CCNI2: variants seen among roughly 807,000 people sequenced by gnomAD.
CCNI2 encodes the protein cyclin-I2.
In CCNI2, 32 loss-of-function variants were observed where a neutral mutation model predicts 33.2. That is an observed-to-expected ratio of 0.96 (90% CI 0.73 to 1.30). CCNI2 has a LOEUF of 1.30. Ranked by LOEUF, CCNI2 falls within the 50% of genes most tolerant of loss-of-function variation. The probability of loss-of-function intolerance (pLI) is 0.00; values close to 1 mark genes in which losing one functional copy is unlikely to be tolerated. For synonymous variants in CCNI2, 231 were observed against 219.9 expected (o/e 1.05, Z -0.45); for missense variants, 452 against 486.2 (o/e 0.93, Z 0.66).
In CCNI2 at chr5:132,752,182, C is replaced by T. The variant is rs1226947663; in HGVS notation, c.991C>T (p.Leu331=). ...CTGGTGTGCTCCTATATCTGATCTG[C>T]TAAAGAAAGCACAGGTAGACATCAA... ...PGWCAPISDL[L]KKAQVGDMQY... is the part of the protein sequence containing the mutation. Residue 331 remains leucine, a synonymous_variant, in exon 5 of 6, where the codon CTA becomes TTA. Transcript: ENST00000378731. The T allele has an allele frequency of 6.3e-7, 1 of 1,577,968 alleles. No individual in the cohort carries two copies. Among genetic ancestry groups the T allele is most frequent in the South Asian group, 1.2e-5 (1 of 86,168 alleles).
rs572925764 is a variant in CCNI2, at chr5:132,749,577, G to A, written c.633+155G>A. ...CGGCATCTCTGCTATCCCTTCCATC[G>A]GCTTGTCAGGCTTTGAGACCCCACA... On this transcript the variant is annotated intron_variant, in intron 3 of 5. Transcript: ENST00000378731. Among the ~76,000 whole-genome samples, 214 of 151,984 alleles carry A rather than the reference G, an allele frequency of 1.4e-3. 1 individual carries two copies. The highest frequency in any genetic ancestry group is 2.1e-3 in the Non-Finnish European group (143 of 68,016).
chr5:132,751,990 T>C lies in CCNI2; in HGVS notation c.799T>C (p.Trp267Arg), dbSNP rs767320935. The C allele has an allele frequency of 2.0e-5, 32 of 1,611,892 alleles. No individual in the cohort carries two copies. The highest frequency in any genetic ancestry group is 2.7e-5 in the Non-Finnish European group (32 of 1,179,296). Residue 267 changes from tryptophan to arginine, a missense_variant, in exon 5 of 6, where the codon TGG becomes CGG. By Grantham distance (101) the Trp-to-Arg change is moderately radical (BLOSUM62 -3). Transcript: ENST00000378731. ...TIFHALVVLS[W>R]PHVLELLPQR... ...GTTCCATGCCCTGGTGGTCCTGAGC[T>C]GGCCCCATGTGTTGGAGCTGCTGCC...
Position 132,752,857 on chromosome 5 carries a change from C to G in CCNI2, c.1006-9C>G, listed in dbSNP as rs759581267. 9 of 1,611,258 alleles carry G rather than the reference C, an allele frequency of 5.6e-6. No homozygotes were observed. Among genetic ancestry groups the G allele is most frequent in the Non-Finnish European group, 7.6e-6 (9 of 1,177,598 alleles). On this transcript the variant is annotated splice_polypyrimidine_tract_variant and intron_variant, in intron 5 of 5. Coordinates refer to ENST00000378731, the MANE Select transcript of CCNI2 (RefSeq NM_001039780.4). Reference sequence around the variant, plus strand: ...TCTGCTTGAAGATGGCCACTCTATTCTAATACAGGTTGGTGATATGCAGTA... The same window carrying G: ...TCTGCTTGAAGATGGCCACTCTATTGTAATACAGGTTGGTGATATGCAGTA...
Position 132,747,590 on chromosome 5 carries a change from A to G in CCNI2, c.95A>G (p.Glu32Gly), listed in dbSNP as rs1754644587. 1.3e-6 allele frequency: 2 copies of G among 1,498,298 alleles called. No homozygotes were observed. The highest frequency in any genetic ancestry group is 1.8e-6 in the Non-Finnish European group (2 of 1,129,994). The allele number at this position is 1,498,298 out of a possible 1,614,324, so 92.8% of individuals were successfully genotyped here. ...GGGCGTCCCGGCGCCGGTCTGGAGG[A>G]AACAGCCCTGGGCGTTCCTCTCCCG... Reference protein sequence around the residue: ...PGGRPGAGLEETALGVPLPPS... With the variant: ...PGGRPGAGLEGTALGVPLPPS... Residue 32 changes from glutamate (E) to glycine (G), a missense_variant, in exon 1 of 6, where the codon GAA becomes GGA. Glu to Gly is a moderately conservative substitution (Grantham distance 98). Transcript: ENST00000378731. This position sits in a 1 kb window ranked among gnomAD's most constrained non-coding sequence, Gnocchi z 4.1.
At chr5:132,752,801 C>G in intron 5 of CCNI2, 65 bp from the exon 6 acceptor site, 2 of 1,420,816 alleles carry the variant, frequency 1.4e-6, no homozygotes, top group Non-Finnish European at 2.0e-6. Flanking sequence ...TTTTGGCACT[C>G]AATTGCCAAT....
At chr5:132,754,724 A>G (rs570529386), downstream of CCNI2, among the ~76,000 whole-genome samples, 89 of 152,338 alleles carry the variant, frequency 5.8e-4, no homozygotes, top group African/African-American at 2.0e-3. Flanking sequence ...CTTCCCTCTA[A>G]TATTCTTTTC....
rs1239445203 is a variant in CCNI2 at position 132,752,872 on chromosome 5, G to GAT, written c.1015_1016dup (p.Met339IlefsTer11). 1 of 1,613,358 alleles carries GAT rather than the reference G, an allele frequency of 6.2e-7. No individual in the cohort carries two copies. Among genetic ancestry groups the GAT allele is most frequent in the Non-Finnish European group, 8.5e-7 (1 of 1,179,476 alleles). On this transcript the variant is annotated frameshift_variant, in exon 6 of 6. Coordinates refer to ENST00000378731, the MANE Select transcript of CCNI2 (RefSeq NM_001039780.4). LOFTEE classifies it high-confidence loss of function. Reference sequence around the variant, plus strand: ...CCACTCTATTCTAATACAGGTTGGTGATATGCAGTACAGCTGCTGCAAGGA... The same window carrying GAT: ...CCACTCTATTCTAATACAGGTTGGTGATATATGCAGTACAGCTGCTGCAAGGA...
intron 2 of CCNI2, 22 bp downstream of exon 2, chr5:132,748,497 G>A (rs754823405): frequency 6.2e-7 from 1 of 1,612,624 alleles, no homozygotes; most frequent in Non-Finnish European, 8.5e-7. Flanking sequence ...TCTGAGGGAC[G>A]GTGGCAGATG....
At position 132,748,373 on chromosome 5, in the gene CCNI2, AGTC is replaced by A. The variant is rs1457159453; in HGVS notation, c.459_461del (p.Val154del). The A allele has an allele frequency of 6.2e-7, 1 of 1,614,014 alleles. No homozygotes were observed. The highest frequency in any genetic ancestry group is 8.5e-7 in the Non-Finnish European group (1 of 1,179,996). ...ATGAAATCTGCGACGCCTTCGAGGA[AGTC>A]GTGCTGTGGCTCCTGCGGCTTCAGA... is the stretch of plus-strand genomic sequence containing the variant. On this transcript the variant is annotated inframe_deletion, in exon 2 of 6. Coordinates refer to ENST00000378731, the MANE Select transcript of CCNI2 (RefSeq NM_001039780.4).
At chr5:132,752,483 G>A in intron 5 of CCNI2, among the ~76,000 whole-genome samples, 1 of 152,150 alleles carries the variant, frequency 6.6e-6, no homozygotes, top group Non-Finnish European at 1.5e-5. Context: ...TGGGGAGTCA[G>A]GGGTATGTCT....
downstream of CCNI2, among the ~76,000 whole-genome samples, chr5:132,754,775 G>A (rs1267042731): frequency 6.6e-6 from 1 of 152,060 alleles, no homozygotes; most frequent in Non-Finnish European, 1.5e-5. Context: ...TCAGAGATTG[G>A]GAAACATTTC....
At chr5:132,751,820 C>A in intron 4 of CCNI2, 146 bp from the exon 5 acceptor site, 2 of 968,570 alleles carry the variant, frequency 2.1e-6, no homozygotes, top group Non-Finnish European at 3.0e-6. Flanking sequence ...AGCCTCAAGC[C>A]CCTTACGGAG....
In CCNI2 at chr5:132,747,912, C is replaced by A. The variant is rs553492149; in HGVS notation, c.417C>A (p.Gly139=). Residue 139 remains glycine, a synonymous_variant, in exon 1 of 6, where the codon GGC becomes GGA. Coordinates refer to ENST00000378731, the MANE Select transcript of CCNI2 (RefSeq NM_001039780.4). The surrounding 1 kb of genome is among the most constrained non-coding windows in gnomAD (Gnocchi z 4.1). ...ACCGCGAGGCGCGCCTGTGGCGGGG[C>A]GGCAAACCCCAGGTACCCGTCGCTG... is the stretch of plus-strand genomic sequence containing the variant. ...AQDREARLWR[G]GKPQDEICDA... The A allele has an allele frequency of 5.5e-5, 76 of 1,383,024 alleles. No individual in the cohort carries two copies. In the African/African-American group the frequency reaches 1.0e-3, roughly 19 times the overall value. 85.7% of individuals were successfully genotyped at this position (1,383,024 alleles called of 1,614,324 possible). A position where few individuals can be genotyped will look rare whatever the true frequency, so the allele number is the denominator to read the frequency against.
intron 5 of CCNI2, among the ~76,000 whole-genome samples, chr5:132,752,427 G>C (rs1253116836): frequency 1.3e-5 from 2 of 152,220 alleles, no homozygotes; most frequent in African/African-American, 4.8e-5. Flanking sequence ...CTCTGAGAGT[G>C]AGAGAATCTT....
At chr5:132,751,554 A>AT (rs753990750) in intron 4 of CCNI2, 1 of 229,286 alleles carries the variant, frequency 4.4e-6, no homozygotes, top group Non-Finnish European at 8.5e-6. Flanking sequence ...GTTATGAAGC[A>AT]TGAAGATTAA....
Position 132,751,012 on chromosome 5 carries a change from G to A in CCNI2, c.774+15G>A, listed in dbSNP as rs188881056. 49 of 1,610,668 alleles carry A rather than the reference G, an allele frequency of 3.0e-5. No individual in the cohort carries two copies. Among genetic ancestry groups the A allele is most frequent in the Non-Finnish European group, 4.1e-5 (48 of 1,179,130 alleles). ...TCTTGACTATAGTGAGTAAGGAGGT[G>A]TTTACAGAGTCTACCCTAAACTCGT... is the stretch of plus-strand genomic sequence containing the variant. On this transcript the variant is annotated intron_variant, in intron 4 of 5. Coordinates refer to ENST00000378731, the MANE Select transcript of CCNI2 (RefSeq NM_001039780.4).
chr5:132,750,894 G>C lies in CCNI2; in HGVS notation c.671G>C (p.Gly224Ala). Residue 224 changes from glycine (G) to alanine (A), a missense_variant, in exon 4 of 6, where the codon GGC (glycine) becomes GCC (alanine). Physicochemically the swap from Gly to Ala is moderately conservative, Grantham distance 60 (BLOSUM62 0). Transcript: ENST00000378731. Reference protein sequence around the residue: ...PQVKDFTKHYGSDYSPNELLR... With the variant: ...PQVKDFTKHYASDYSPNELLR... ...GTAAAAGACTTCACAAAGCACTATG[G>C]CTCTGACTATTCCCCGAATGAGCTG... is the stretch of plus-strand genomic sequence containing the variant. 6.2e-7 allele frequency: 1 copy of C among 1,614,202 alleles called. No individual in the cohort carries two copies. Among genetic ancestry groups the C allele is most frequent in the African/African-American group, 1.3e-5 (1 of 75,054 alleles).
At chr5:132,751,323 GT>G (rs1754826816) in intron 4 of CCNI2, 1 of 235,330 alleles carries the variant, frequency 4.2e-6, no homozygotes, top group Non-Finnish European at 8.2e-6. Flanking sequence ...ATAAATATCT[GT>G]CTGCTTTTGC....
At chr5:132,751,267 T>A in intron 4 of CCNI2, 1 of 368,128 alleles carries the variant, frequency 2.7e-6, no homozygotes, top group Middle Eastern at 7.1e-4. Context: ...CTCTTTTAAA[T>A]ACACACTGCA....
Sources: gnomAD v4.1 joint callset for allele counts (sites outside exome capture counted in the v4.1 genomes callset) on GRCh38, gnomAD v4.1.1 for gene constraint, Gnocchi (gnomAD v3.1) non-coding constraint, MANE v1.5 for transcripts, NCBI Gene and HGNC (gene_info 2026-07-23, HGNC 2026-07-21) for gene names.